Variants in ANO1 observed in about 807,000 individuals in gnomAD.
ANO1 encodes anoctamin 1.
A neutral mutation model predicts 124.0 loss-of-function variants in ANO1; 59 were observed. The observed-to-expected ratio is 0.48, with a 90% CI of 0.39 to 0.59. The LOEUF is 0.59. Ranked by LOEUF, ANO1 falls within the 20% of genes least tolerant of loss-of-function variation. The probability of loss-of-function intolerance (pLI) is 0.00; values close to 1 mark genes in which losing one functional copy is unlikely to be tolerated. For synonymous variants in ANO1, 529 were observed against 532.0 expected, an observed-to-expected ratio of 0.99 and a Z score of 0.08; for missense variants, 1,059 against 1,328.0, an observed-to-expected ratio of 0.80 and a Z score of 3.15.
rs541667102 is a variant in ANO1, at chr11:70,141,903, C to T, written c.1259-7807C>T. Among the ~76,000 whole-genome samples the T allele has an allele frequency of 2.5e-3, 378 of 152,266 alleles. 3 individuals are homozygous for T. Among genetic ancestry groups the T allele is most frequent in the Non-Finnish European group, 4.4e-3 (302 of 68,036 alleles). Reference sequence around the variant, plus strand: ...CTGTTACTGCCTGGCAGCCGGGAGCCTGGTCGTGGCCACCCGCCCGCCGGG... The same window carrying T: ...CTGTTACTGCCTGGCAGCCGGGAGCTTGGTCGTGGCCACCCGCCCGCCGGG... On this transcript the variant is annotated intron_variant, in intron 11 of 25. Coordinates refer to ENST00000355303, the MANE Select transcript of ANO1 (RefSeq NM_018043.7).
At position 70,113,156 on chromosome 11, in the gene ANO1, C is replaced by T. The variant is rs368714639; in HGVS notation, c.855+1394C>T. Among the ~76,000 whole-genome samples the T allele has an allele frequency of 1.6e-4, 25 of 151,946 alleles. No homozygotes were observed. In the East Asian group the frequency reaches 3.1e-3, roughly 19 times the overall value. ...CACCCCAGGCGGACAGAAGCACCCACACCACGCCTGCCTGTTGCCTTCCTC... is the reference window on the plus strand; with the variant it reads ...CACCCCAGGCGGACAGAAGCACCCATACCACGCCTGCCTGTTGCCTTCCTC... On this transcript the variant is annotated intron_variant, in intron 7 of 25. Coordinates refer to ENST00000355303, the MANE Select transcript of ANO1 (RefSeq NM_018043.7).
At chr11:70,004,637 T>A (rs1856450322) in intron 1 of ANO1, among the ~76,000 whole-genome samples, 2 of 152,228 alleles carry the variant, frequency 1.3e-5, no homozygotes, top group South Asian at 4.1e-4. Context: ...GGCTTCTCCA[T>A]CACACTGCCC....
intron 16 of ANO1, among the ~76,000 whole-genome samples, chr11:70,158,249 G>T (rs912901905): frequency 2.0e-5 from 3 of 152,176 alleles, no homozygotes; most frequent in African/African-American, 7.2e-5. Flanking sequence ...ATTCGGCCTT[G>T]GCCGCCTGCT....
At chr11:69,988,829 T>G (rs1554997151) in intron 1 of ANO1, among the ~76,000 whole-genome samples, 1 of 152,138 alleles carries the variant, frequency 6.6e-6, no homozygotes, top group Admixed American at 6.5e-5. Context: ...AAAACTCAGC[T>G]GGTATATCCC....
At chr11:70,182,766 T>A in intron 24 of ANO1, 80 bp downstream of exon 24, 3 of 1,221,174 alleles carry the variant, frequency 2.5e-6, no homozygotes, top group Non-Finnish European at 1.1e-6. Context: ...GGGGCTCAAA[T>A]CAGGAGCAAG....
At chr11:69,979,971 T>TG in the ANO1 span, among the ~76,000 whole-genome samples, 647 of 152,288 alleles carry the variant, frequency 4.2e-3, 7 homozygotes, top group African/African-American at 0.014. Context: ...CCCAGGGAAT[T>TG]GAATAACATT....
chr11:70,022,487 T>C (rs1294192459), intron 1 of ANO1, among the ~76,000 whole-genome samples: 3 of 151,834 alleles, frequency 2.0e-5, no homozygotes, highest in Non-Finnish European at 4.4e-5. Context: ...TAGTCCCAGC[T>C]ACTTGGGAGG....
intron 22 of ANO1, among the ~76,000 whole-genome samples, chr11:70,178,591 C>A (rs1260574852): frequency 6.6e-6 from 1 of 150,564 alleles, no homozygotes; most frequent in East Asian, 1.9e-4. Context: ...TGAGACAGAA[C>A]CTTTCTCTGT....
chr11:70,089,462 C>T lies in ANO1; in HGVS notation c.441+1378C>T, dbSNP rs144010325. ...CTTTCCTTGAAATCAATGGAACGTG[C>T]TCCATGGGGCCTCCCTGGACCTTGG... On this transcript the variant is annotated intron_variant, in intron 2 of 25. Coordinates refer to ENST00000355303, the MANE Select transcript of ANO1 (RefSeq NM_018043.7). Among the ~76,000 whole-genome samples the T allele has an allele frequency of 1.0e-3, 155 of 152,302 alleles. 1 individual carries two copies. The highest frequency in any genetic ancestry group is 3.4e-3 in the African/African-American group (143 of 41,564).
chr11:70,013,513 T>C (rs1019291718), intron 1 of ANO1, among the ~76,000 whole-genome samples: 8 of 152,040 alleles, frequency 5.3e-5, no homozygotes, highest in African/African-American at 1.7e-4. Context: ...TGACTTACAC[T>C]TGTAATCCCA....
At chr11:70,021,854 G>A (rs1856815994) in intron 1 of ANO1, among the ~76,000 whole-genome samples, 1 of 152,194 alleles carries the variant, frequency 6.6e-6, no homozygotes, top group Non-Finnish European at 1.5e-5. Context: ...ACAGGCAGGA[G>A]CGTGCGAACT....
chr11:70,185,809 C>A, intron 25 of ANO1, 114 bp downstream of exon 25: 1 of 1,145,670 alleles, frequency 8.7e-7, no homozygotes, highest in Non-Finnish European at 1.2e-6. Flanking sequence ...GAGACTCCTC[C>A]AGAGGCTTGG....
intron 1 of ANO1, among the ~76,000 whole-genome samples, chr11:70,067,291 C>T (rs1382580716): frequency 1.3e-5 from 2 of 150,890 alleles, no homozygotes; most frequent in African/African-American, 2.4e-5. Flanking sequence ...CCTCGCTGGA[C>T]AGCAGCTCCA....
rs551166747 is a variant in ANO1, at chr11:70,119,385, A to G, written c.897+2886A>G. Among the ~76,000 whole-genome samples the G allele has an allele frequency of 3.4e-5, 5 of 144,950 alleles. No homozygotes were observed. In the East Asian group the frequency reaches 1.1e-3, roughly 32 times the overall value. On this transcript the variant is annotated intron_variant, in intron 8 of 25. Coordinates refer to ENST00000355303, the MANE Select transcript of ANO1 (RefSeq NM_018043.7). ...GGATGAATGATGGATGGATGGGTTG[A>G]TGGATGATGGGTGGGTGGGTAGGTG...
chr11:70,135,537 G>A (rs999291426), intron 11 of ANO1, among the ~76,000 whole-genome samples: 7 of 152,186 alleles, frequency 4.6e-5, no homozygotes, highest in Admixed American at 6.5e-5. Flanking sequence ...GGGCACAGCC[G>A]TCTGAGAACC....
chr11:69,986,399 CAG>C (rs1410518034), intron 1 of ANO1, among the ~76,000 whole-genome samples: 1 of 121,192 alleles, frequency 8.3e-6, no homozygotes, highest in African/African-American at 2.6e-5. Context: ...GACAGACAAA[CAG>C]ACGACAGACA....
intron 1 of ANO1, among the ~76,000 whole-genome samples, chr11:70,004,276 A>T (rs1165539267): frequency 1.5e-5 from 2 of 133,836 alleles, no homozygotes; most frequent in African/African-American, 5.1e-5. Flanking sequence ...AGTCCAGAAC[A>T]CAGTTACATG....
chr11:70,116,581 G>A (rs879830448), intron 8 of ANO1, 82 bp downstream of exon 8: 142 of 1,439,402 alleles, frequency 9.9e-5, no homozygotes, highest in Middle Eastern at 2.3e-4. Flanking sequence ...CAGCTGGACC[G>A]AGGACTTACC....
intron 1 of ANO1, among the ~76,000 whole-genome samples, chr11:70,066,187 T>C (rs1555008557): frequency 6.6e-6 from 1 of 152,142 alleles, no homozygotes. Flanking sequence ...GTGACAGGTT[T>C]GGAGGTCACT....
Sources: allele counts gnomAD v4.1 joint callset (sites outside exome capture counted in the v4.1 genomes callset), GRCh38; gene constraint gnomAD v4.1.1; transcripts MANE v1.5; gene names NCBI Gene and HGNC (gene_info 2026-07-23, HGNC 2026-07-21).